Variants in HEMK2 observed in about 807,000 individuals in gnomAD.
HEMK2 encodes HemK methyltransferase 2, ETF1 glutamine and histone H4 lysine.
chr21:28,715,291 G>A, the HEMK2 span, among the ~76,000 whole-genome samples: 1 of 151,976 alleles, frequency 6.6e-6, no homozygotes, highest in Non-Finnish European at 1.5e-5. Context: ...CCGCAGCCTT[G>A]CAAGCATCTG....
chr21:28,656,729 A>T, the HEMK2 span, among the ~76,000 whole-genome samples: 2 of 152,134 alleles, frequency 1.3e-5, no homozygotes, highest in East Asian at 3.9e-4. Flanking sequence ...AAGAGTCCAC[A>T]TGCCACTGTT....
chr21:28,677,138 C>T, the HEMK2 span, among the ~76,000 whole-genome samples: 1 of 152,138 alleles, frequency 6.6e-6, no homozygotes, highest in Non-Finnish European at 1.5e-5. Context: ...CAGGGAATTC[C>T]CTTTCCTAGT....
chr21:28,834,282 G>A, the HEMK2 span, among the ~76,000 whole-genome samples: 1 of 152,214 alleles, frequency 6.6e-6, no homozygotes, highest in Non-Finnish European at 1.5e-5. Flanking sequence ...ACCCTCTGAA[G>A]GAAGCAGACA....
the HEMK2 span, among the ~76,000 whole-genome samples, chr21:28,746,672 T>TAAAA: frequency 6.9e-6 from 1 of 144,862 alleles, no homozygotes. Context: ...AGGGCCAATC[T>TAAAA]AAAAAAAAAA....
At chr21:28,606,133 T>A in the HEMK2 span, among the ~76,000 whole-genome samples, 2 of 152,026 alleles carry the variant, frequency 1.3e-5, no homozygotes, top group African/African-American at 4.8e-5. Context: ...CAAAGACAAA[T>A]TTTGAGTTGT....
the HEMK2 span, among the ~76,000 whole-genome samples, chr21:28,735,527 C>G: frequency 2.0e-5 from 3 of 152,128 alleles, no homozygotes; most frequent in Non-Finnish European, 4.4e-5. Flanking sequence ...TTCTTCCCTA[C>G]CATATATAAA....
chr21:28,718,855 A>G, the HEMK2 span, among the ~76,000 whole-genome samples: 3 of 152,206 alleles, frequency 2.0e-5, no homozygotes, highest in East Asian at 1.9e-4. Context: ...CTGATTCATG[A>G]TAAGACAAAA....
chr21:28,639,563 G>T, the HEMK2 span, among the ~76,000 whole-genome samples: 1 of 152,214 alleles, frequency 6.6e-6, no homozygotes, highest in Non-Finnish European at 1.5e-5. Flanking sequence ...TTCCAGAAGA[G>T]TCAGGGAAGT....
At chr21:28,595,194 T>C in the HEMK2 span, among the ~76,000 whole-genome samples, 5 of 152,338 alleles carry the variant, frequency 3.3e-5, no homozygotes, top group East Asian at 5.8e-4. Flanking sequence ...TATATTCTTC[T>C]AGTTATTTTA....
chr21:28,883,041 C>CCCTGA, the HEMK2 span: 1 of 1,605,350 alleles, frequency 6.2e-7, no homozygotes, highest in Admixed American at 1.7e-5. Context: ...CTACACCAGA[C>CCCTGA]CCTGACCCTA....
At chr21:28,878,456 G>T in the HEMK2 span, 2 of 1,016,356 alleles carry the variant, frequency 2.0e-6, no homozygotes, top group Non-Finnish European at 1.5e-6. Context: ...GCTGACGAAG[G>T]AGCAGTCAAG....
the HEMK2 span, among the ~76,000 whole-genome samples, chr21:28,870,560 C>T: frequency 2.0e-4 from 30 of 152,254 alleles, no homozygotes; most frequent in Middle Eastern, 6.8e-3. Context: ...TACCACCACA[C>T]TCGCTAATTT....
chr21:28,771,763 C>A, the HEMK2 span, among the ~76,000 whole-genome samples: 1 of 152,022 alleles, frequency 6.6e-6, no homozygotes, highest in Non-Finnish European at 1.5e-5. Flanking sequence ...TTCAAAAAAT[C>A]TCCTGAGAAA....
chr21:28,864,691 C>T, the HEMK2 span, among the ~76,000 whole-genome samples: 1,354 of 152,228 alleles, frequency 8.9e-3, 22 homozygotes, highest in African/African-American at 0.03. Context: ...TTCCATTTTA[C>T]TCTCCCTCCA....
chr21:28,660,706 AT>A, the HEMK2 span, among the ~76,000 whole-genome samples: 1 of 151,848 alleles, frequency 6.6e-6, no homozygotes, highest in East Asian at 1.9e-4. Flanking sequence ...TTGTCCTGTA[AT>A]TTTTCTTCCT....
chr21:28,823,394 C>A, the HEMK2 span, among the ~76,000 whole-genome samples: 3 of 152,096 alleles, frequency 2.0e-5, no homozygotes, highest in East Asian at 5.8e-4. Context: ...AAATTAGGTT[C>A]TAAGAGAAAG....
the HEMK2 span, among the ~76,000 whole-genome samples, chr21:28,694,962 C>T: frequency 6.7e-6 from 1 of 149,836 alleles, no homozygotes; most frequent in Admixed American, 6.7e-5. Flanking sequence ...GGGGTCACTG[C>T]ACTCCAGCCT....
the HEMK2 span, among the ~76,000 whole-genome samples, chr21:28,815,696 A>ATT: frequency 6.6e-6 from 1 of 152,184 alleles, no homozygotes; most frequent in African/African-American, 2.4e-5. Flanking sequence ...AAGATGAGCA[A>ATT]AACAAAAATG....
chr21:28,665,371 CTTT>C, the HEMK2 span, among the ~76,000 whole-genome samples: 3 of 15,900 alleles, frequency 1.9e-4, no homozygotes, highest in African/African-American at 1.0e-3. Context: ...TTTTAATTTT[CTTT>C]TTTTTTTTTT....
Sources: allele counts gnomAD v4.1 joint callset (sites outside exome capture counted in the v4.1 genomes callset), GRCh38; gene constraint gnomAD v4.1.1; transcripts MANE v1.5; gene names NCBI Gene and HGNC (gene_info 2026-07-23, HGNC 2026-07-21).